NLGN1: variants seen among roughly 807,000 people sequenced by gnomAD.
NLGN1 encodes the protein neuroligin 1.
A neutral mutation model predicts 65.5 loss-of-function variants in NLGN1; 12 were observed. The ratio of observed to expected loss-of-function variants is 0.18; its 90% CI spans 0.12 to 0.30. The LOEUF (loss-of-function observed/expected upper bound fraction) is 0.30. NLGN1 is among the 10% of genes least tolerant of loss of function. NLGN1 has a pLI of 1.00. For missense variants in NLGN1, 750 were observed against 1,007.1 expected (o/e 0.74, Z 3.46); for synonymous variants, 350 against 359.5 (o/e 0.97, Z 0.30).
intron 4 of NLGN1, among the ~76,000 whole-genome samples, chr3:174,046,311 T>G (rs1454407775): frequency 6.6e-6 from 1 of 152,110 alleles, no homozygotes; most frequent in Non-Finnish European, 1.5e-5. Context: ...ATTGGCACAA[T>G]AAGATATTCC....
chr3:174,095,602 T>TAC (rs1745360959), intron 4 of NLGN1, among the ~76,000 whole-genome samples: 1 of 151,676 alleles, frequency 6.6e-6, no homozygotes, highest in Non-Finnish European at 1.5e-5. Context: ...ATTGTATATA[T>TAC]ACACACATGT....
chr3:174,283,629 T>G (rs535045517), exon 7 of NLGN1: 1 of 151,554 alleles, frequency 6.6e-6, no homozygotes, highest in East Asian at 1.9e-4. Flanking sequence ...GATAAAAATC[T>G]ATTTCAAGGA....
intron 4 of NLGN1, among the ~76,000 whole-genome samples, chr3:174,065,967 A>G (rs1212505023): frequency 6.6e-6 from 1 of 152,210 alleles, no homozygotes; most frequent in Non-Finnish European, 1.5e-5. Context: ...AAGCAGCACC[A>G]AAATTTGTTA....
At chr3:173,828,080 A>G (rs1013892627) in intron 4 of NLGN1, among the ~76,000 whole-genome samples, 1 of 152,060 alleles carries the variant, frequency 6.6e-6, no homozygotes, top group Admixed American at 6.6e-5. Context: ...CTCCATATTA[A>G]TATTCTGCTG....
At chr3:173,969,945 A>G (rs994706586) in intron 4 of NLGN1, among the ~76,000 whole-genome samples, 1 of 152,062 alleles carries the variant, frequency 6.6e-6, no homozygotes, top group African/African-American at 2.4e-5. Context: ...ACAAAATAAA[A>G]CATTTAATTG....
chr3:173,922,629 A>G (rs1308238450), intron 4 of NLGN1, among the ~76,000 whole-genome samples: 4 of 152,096 alleles, frequency 2.6e-5, no homozygotes, highest in Non-Finnish European at 5.9e-5. Flanking sequence ...AGAACTGCAG[A>G]TTTATCTTCT....
At chr3:173,809,213 A>G (rs549666459) in intron 4 of NLGN1, among the ~76,000 whole-genome samples, 1 of 152,268 alleles carries the variant, frequency 6.6e-6, no homozygotes, top group African/African-American at 2.4e-5. Context: ...GTGGGCTGGG[A>G]TGAGTGTCTT....
rs563089360 is a variant in NLGN1, at chr3:173,766,808, G to A, written c.494-40872G>A. Among the ~76,000 whole-genome samples the A allele has an allele frequency of 1.2e-3, 185 of 152,182 alleles. 2 individuals are homozygous for A. The highest frequency in any genetic ancestry group is 4.2e-3 in the African/African-American group (175 of 41,538). On this transcript the variant is annotated intron_variant, in intron 3 of 6. Transcript: ENST00000457714. ...GCCTTTTTCGTTTTTATAAGAATAC[G>A]TTTTTAAATCAAAGCCAGATTGGAA...
At chr3:173,666,888 A>G (rs1036465628) in intron 3 of NLGN1, among the ~76,000 whole-genome samples, 1 of 152,186 alleles carries the variant, frequency 6.6e-6, no homozygotes, top group African/African-American at 2.4e-5. Context: ...AACAAACAGA[A>G]CACTCATTAT....
At chr3:173,889,528 T>A (rs777099392) in intron 4 of NLGN1, among the ~76,000 whole-genome samples, 73 of 152,188 alleles carry the variant, frequency 4.8e-4, no homozygotes, top group Non-Finnish European at 9.0e-4. Flanking sequence ...GTAGTCTGTT[T>A]CCTTTTAAAA....
At chr3:174,073,491 T>G (rs924737801) in intron 4 of NLGN1, among the ~76,000 whole-genome samples, 2 of 152,190 alleles carry the variant, frequency 1.3e-5, no homozygotes, top group African/African-American at 4.8e-5. Flanking sequence ...TTTCTTCCAC[T>G]GGTAGAAAAT....
chr3:173,909,591 A>C (rs1471572130), intron 4 of NLGN1, among the ~76,000 whole-genome samples: 1 of 152,208 alleles, frequency 6.6e-6, no homozygotes, highest in Non-Finnish European at 1.5e-5. Context: ...CTCACCTTTC[A>C]GTGGTTACAT....
At chr3:173,464,549 C>T (rs2148900662) in intron 2 of NLGN1, among the ~76,000 whole-genome samples, 1 of 151,438 alleles carries the variant, frequency 6.6e-6, no homozygotes, top group South Asian at 2.1e-4. Context: ...GATTCTCCTG[C>T]CTTGGCCTCC....
intron 4 of NLGN1, among the ~76,000 whole-genome samples, chr3:173,973,166 C>T (rs998632012): frequency 2.0e-5 from 3 of 152,078 alleles, no homozygotes; most frequent in Non-Finnish European, 4.4e-5. Context: ...AGAACAATCT[C>T]TAGCATATTG....
intron 4 of NLGN1, among the ~76,000 whole-genome samples, chr3:174,160,469 A>T (rs1726276134): frequency 1.3e-5 from 2 of 151,740 alleles, no homozygotes; most frequent in Admixed American, 1.3e-4. Context: ...TCTTATTTAC[A>T]ATAAAGAATA....
intron 3 of NLGN1, among the ~76,000 whole-genome samples, chr3:173,685,066 G>A (rs1764497128): frequency 6.6e-6 from 1 of 152,090 alleles, no homozygotes; most frequent in Non-Finnish European, 1.5e-5. Flanking sequence ...ATTATGTTAA[G>A]CCCTCCTTAT....
At chr3:173,982,317 T>TA (rs1396236505) in intron 4 of NLGN1, among the ~76,000 whole-genome samples, 1 of 152,014 alleles carries the variant, frequency 6.6e-6, no homozygotes, top group Admixed American at 6.6e-5. Flanking sequence ...AAATAATAGA[T>TA]AAAAAAGTAA....
At chr3:174,067,658 A>C (rs1469524448) in intron 4 of NLGN1, among the ~76,000 whole-genome samples, 1 of 152,124 alleles carries the variant, frequency 6.6e-6, no homozygotes, top group Non-Finnish European at 1.5e-5. Context: ...CATCGGACAA[A>C]GTTTTCACAA....
intron 4 of NLGN1, among the ~76,000 whole-genome samples, chr3:174,265,763 C>CTATATATATATGTG (rs1298436001): frequency 4.0e-5 from 5 of 125,658 alleles, no homozygotes; most frequent in African/African-American, 1.3e-4. Flanking sequence ...ACTAAGAAGG[C>CTATATATATATGTG]TATATATATA....
Sources: gnomAD v4.1 joint callset for allele counts (sites outside exome capture counted in the v4.1 genomes callset) on GRCh38, gnomAD v4.1.1 for gene constraint, MANE v1.5 for transcripts, NCBI Gene and HGNC (gene_info 2026-07-23, HGNC 2026-07-21) for gene names.